Variants in WASHC4 observed in about 807,000 individuals in gnomAD.
The protein encoded by WASHC4 is WASH complex subunit 7.
Under a neutral mutation model 166.6 loss-of-function variants are expected in WASHC4, and 86 were observed. The observed-to-expected ratio is 0.52, with a 90% CI of 0.43 to 0.62. The LOEUF is 0.62. WASHC4 is among the 20% of genes least tolerant of loss of function. The pLI is 0.00. For synonymous variants in WASHC4, 446 were observed against 451.6 expected (o/e 0.99, Z 0.16); for missense variants, 1,262 against 1,382.4 (o/e 0.91, Z 1.38).
In WASHC4 at chr12:105,111,332, T is replaced by C. The variant is rs1463002095; in HGVS notation, c.201+68T>C. 14 of 1,035,890 alleles carry C rather than the reference T, an allele frequency of 1.4e-5. No individual in the cohort carries two copies. In the East Asian group the frequency reaches 3.5e-4, roughly 26 times the overall value. 64.2% of individuals were successfully genotyped at this position (1,035,890 alleles called of 1,614,324 possible). On this transcript the variant is annotated intron_variant, in intron 2 of 32. Coordinates refer to ENST00000332180, the MANE Select transcript of WASHC4 (RefSeq NM_015275.3). ...ACATACTATATCCTGAAAACATAAT[T>C]TTTTAAAATGGAAAAAGTATTTTTA...
chr12:105,122,076 T>A lies in WASHC4; in HGVS notation c.666-42T>A, dbSNP rs767804779. 2.8e-6 allele frequency: 4 copies of A among 1,426,136 alleles called. No homozygotes were observed. The South Asian group carries it at 5.0e-5, about 18-fold the overall frequency. The allele number at this position is 1,426,136 out of a possible 1,614,324, so 88.3% of individuals were successfully genotyped here. ...AATTTTTAATTTTTAATTTAAGAATTTATTAGGTAGATTTAAGATGTTTCT... is the reference window on the plus strand; with the variant it reads ...AATTTTTAATTTTTAATTTAAGAATATATTAGGTAGATTTAAGATGTTTCT... On this transcript the variant is annotated intron_variant, in intron 9 of 32. Transcript: ENST00000332180.
intron 14 of WASHC4, among the ~76,000 whole-genome samples, chr12:105,137,344 A>G (rs1882416174): frequency 6.6e-6 from 1 of 152,196 alleles, no homozygotes; most frequent in Admixed American, 6.5e-5. Flanking sequence ...AGGATGAGAT[A>G]GCAGATGGAC....
intron 15 of WASHC4, among the ~76,000 whole-genome samples, chr12:105,138,849 G>A (rs894544919): frequency 3.9e-5 from 6 of 152,018 alleles, no homozygotes; most frequent in African/African-American, 1.4e-4. Context: ...ACATAAGCAT[G>A]GTTTTAAAAA....
chr12:105,147,436 C>T (rs1318886656), intron 24 of WASHC4: 5 of 420,996 alleles, frequency 1.2e-5, no homozygotes, highest in South Asian at 1.0e-4. Context: ...TGTGTGCACA[C>T]ATATATATAT....
chr12:105,128,772 T>G (rs1881518586), intron 13 of WASHC4, among the ~76,000 whole-genome samples: 1 of 79,506 alleles, frequency 1.3e-5, no homozygotes, highest in Non-Finnish European at 2.4e-5. Flanking sequence ...AATTCCGTTT[T>G]GTTTTTTTTT....
intron 19 of WASHC4, 94 bp downstream of exon 19, chr12:105,142,652 C>CTA (rs3040266): frequency 0.86 from 626,503 of 725,378 alleles, 272,228 homozygotes; most frequent in East Asian, 1. Context: ...ATTTAATAAA[C>CTA]TTTTAAAATT....
intron 2 of WASHC4, among the ~76,000 whole-genome samples, chr12:105,111,688 A>G (rs1457651222): frequency 6.6e-6 from 1 of 152,152 alleles, no homozygotes; most frequent in Non-Finnish European, 1.5e-5. Flanking sequence ...CATTTCTGAA[A>G]AGTTCTCTCA....
chr12:105,157,346 A>G (rs776620200), intron 28 of WASHC4, 24 bp downstream of exon 28: 3 of 1,329,014 alleles, frequency 2.3e-6, no homozygotes, highest in Middle Eastern at 1.8e-4. Flanking sequence ...GGAAATATAA[A>G]AAAGTGTGTT....
At chr12:105,146,423 A>T (rs760530370) in intron 22 of WASHC4, 29 bp from the exon 23 acceptor site, 3 of 1,244,904 alleles carry the variant, frequency 2.4e-6, no homozygotes, top group Non-Finnish European at 3.5e-6. Flanking sequence ...ATGAATTATA[A>T]TAAAACTTGT....
At chr12:105,120,408 T>A (rs1429770732) in intron 7 of WASHC4, 147 bp from the exon 8 acceptor site, 1 of 596,184 alleles carries the variant, frequency 1.7e-6, no homozygotes, top group African/African-American at 1.9e-5. Context: ...GAAAGTGGAC[T>A]TGACGCTCTT....
intron 13 of WASHC4, among the ~76,000 whole-genome samples, chr12:105,130,094 A>G (rs560684740): frequency 4.6e-5 from 7 of 152,256 alleles, no homozygotes; most frequent in Non-Finnish European, 8.8e-5. Context: ...AAACTTGCCC[A>G]AGTTTAAACA....
At position 105,168,362 on chromosome 12, in the gene WASHC4, A is replaced by G. The variant is rs1036010850; in HGVS notation, c.*1431A>G. Reference sequence around the variant, plus strand: ...ACAGTGGATAGATTAAAGGCATTTAATATTTGTAATTCATAATAACTGTAG... The same window carrying G: ...ACAGTGGATAGATTAAAGGCATTTAGTATTTGTAATTCATAATAACTGTAG... On this transcript the variant is annotated 3_prime_UTR_variant, in exon 33 of 33. Transcript: ENST00000332180. The G allele has an allele frequency of 1.3e-5, 2 of 152,558 alleles. No individual in the cohort carries two copies. Among genetic ancestry groups the G allele is most frequent in the Admixed American group, 1.3e-4 (2 of 15,278 alleles). 9.5% of individuals were successfully genotyped at this position (152,558 alleles called of 1,614,324 possible).
chr12:105,129,208 T>G (rs1236949546), intron 13 of WASHC4, among the ~76,000 whole-genome samples: 1 of 152,028 alleles, frequency 6.6e-6, no homozygotes, highest in African/African-American at 2.4e-5. Flanking sequence ...CCTCCCAAAC[T>G]GCTGGGATTA....
intron 28 of WASHC4, among the ~76,000 whole-genome samples, chr12:105,159,646 G>T (rs1884372459): frequency 6.6e-6 from 1 of 151,962 alleles, no homozygotes; most frequent in Admixed American, 6.6e-5. Flanking sequence ...AAAGAGCCAG[G>T]TTTATGTTGA....
chr12:105,139,257 T>C (rs1882584047), intron 15 of WASHC4, among the ~76,000 whole-genome samples: 1 of 151,820 alleles, frequency 6.6e-6, no homozygotes, highest in African/African-American at 2.4e-5. Context: ...TTTTGTATCA[T>C]AAACAATGTT....
At chr12:105,119,742 T>C (rs575541287) in intron 7 of WASHC4, among the ~76,000 whole-genome samples, 20 of 152,250 alleles carry the variant, frequency 1.3e-4, no homozygotes, top group Non-Finnish European at 2.2e-4. Flanking sequence ...ATTTAAAATA[T>C]GCATTCTATC....
chr12:105,156,055 A>T lies in WASHC4; in HGVS notation c.2759-671A>T, dbSNP rs569395997. Among the ~76,000 whole-genome samples, 4 of 152,286 alleles carry T rather than the reference A, an allele frequency of 2.6e-5. No individual in the cohort carries two copies. The East Asian group carries it at 7.7e-4, about 29-fold the overall frequency. On this transcript the variant is annotated intron_variant, in intron 26 of 32. Transcript: ENST00000332180. ...GAAGGGGTGAATGAAAAGTGGGTGG[A>T]TTCTGGCTACGTTTTCAAGGCAAAG...
chr12:105,114,430 AATT>A lies in WASHC4; in HGVS notation c.321+7_321+9del, dbSNP rs747046244. 49 of 1,550,476 alleles carry A rather than the reference AATT, an allele frequency of 3.2e-5. No homozygotes were observed. The highest frequency in any genetic ancestry group is 4.4e-4 in the Middle Eastern group (2 of 4,578). ...AAATCAAGAAATTAAAATATGAGGTAATTATTTGAATTCTTGTCTTAAAACTTT... is the reference window on the plus strand; with the variant it reads ...AAATCAAGAAATTAAAATATGAGGTAATTTGAATTCTTGTCTTAAAACTTT... On this transcript the variant is annotated splice_donor_5th_base_variant and intron_variant, in intron 4 of 32. Coordinates refer to ENST00000332180, the MANE Select transcript of WASHC4 (RefSeq NM_015275.3).
rs544288131 is a variant in WASHC4 at position 105,155,593 on chromosome 12, C to T, written c.2759-1133C>T. 1.7e-4 allele frequency among the ~76,000 whole-genome samples: 26 copies of T among 152,270 alleles called. No homozygotes were observed. In the East Asian group the frequency reaches 4.6e-3, roughly 27 times the overall value. On this transcript the variant is annotated intron_variant, in intron 26 of 32. Coordinates refer to ENST00000332180, the MANE Select transcript of WASHC4 (RefSeq NM_015275.3). Reference sequence around the variant, plus strand: ...TGTGGCTCACACACTGTAATCCCAGCACTTTGGGAGGCCGAGGTGGGTGGA... The same window carrying T: ...TGTGGCTCACACACTGTAATCCCAGTACTTTGGGAGGCCGAGGTGGGTGGA...
Sources: allele counts gnomAD v4.1 joint callset (sites outside exome capture counted in the v4.1 genomes callset), GRCh38; gene constraint gnomAD v4.1.1; transcripts MANE v1.5; gene names NCBI Gene and HGNC (gene_info 2026-07-23, HGNC 2026-07-21).